The following TSPEAR variants were observed in gnomAD, a reference collection of about 807,000 sequenced individuals.
The protein encoded by TSPEAR is thrombospondin-type laminin G domain and EAR repeat-containing protein.
TSPEAR carries 69 observed loss-of-function variants against 71.6 expected under a neutral mutation model. The ratio of observed to expected loss-of-function variants is 0.96; its 90% confidence interval spans 0.79 to 1.18. The LOEUF is 1.18. TSPEAR is among the 50% of genes most tolerant of loss of function. The pLI is 0.00. For missense variants in TSPEAR, 971 were observed against 894.9 expected, an observed-to-expected ratio of 1.09 and a Z score of -1.09; for synonymous variants, 402 against 387.2, an observed-to-expected ratio of 1.04 and a Z score of -0.45.
In TSPEAR at chr21:44,623,314, A is replaced by T. The variant is rs962944268; in HGVS notation, c.83-55309T>A. Among the ~76,000 whole-genome samples, 4 of 152,160 alleles carry T rather than the reference A, an allele frequency of 2.6e-5. No homozygotes were observed. Among genetic ancestry groups the T allele is most frequent in the African/African-American group, 9.7e-5 (4 of 41,418 alleles). ...GTGGAGATTACAACATGAATCTATGACTTTTTAAAGTCTAATGTAAATTAG... is the reference window on the plus strand; with the variant it reads ...GTGGAGATTACAACATGAATCTATGTCTTTTTAAAGTCTAATGTAAATTAG... On this transcript the variant is annotated intron_variant, in intron 1 of 11. Coordinates refer to ENST00000323084, the MANE Select transcript of TSPEAR (RefSeq NM_144991.3). The surrounding 1 kb of genome is among the most constrained non-coding windows in gnomAD (Gnocchi z 4.5).
At chr21:44,680,395 A>C (rs1209226777) in intron 1 of TSPEAR, among the ~76,000 whole-genome samples, 1 of 152,250 alleles carries the variant, frequency 6.6e-6, no homozygotes, top group Non-Finnish European at 1.5e-5. Context: ...AAAAAATAAC[A>C]GATGCTGGTA....
At chr21:44,677,489 T>C (rs1238677023) in intron 1 of TSPEAR, 70 of 825,570 alleles carry the variant, frequency 8.5e-5, no homozygotes, top group Non-Finnish European at 1.2e-4. Context: ...TAACTTGTTC[T>C]TGTTTTTCCT....
At chr21:44,648,270 C>A (rs1367729482) in intron 1 of TSPEAR, among the ~76,000 whole-genome samples, 2 of 152,162 alleles carry the variant, frequency 1.3e-5, no homozygotes, top group Non-Finnish European at 2.9e-5. Flanking sequence ...TCTCAGTGGA[C>A]CACTAGCACT....
At chr21:44,563,891 C>A (rs1555921440) in intron 2 of TSPEAR, among the ~76,000 whole-genome samples, 2 of 152,182 alleles carry the variant, frequency 1.3e-5, no homozygotes, top group Non-Finnish European at 2.9e-5. Flanking sequence ...TATGCCTTAA[C>A]AAAGCTTCTC....
intron 1 of TSPEAR, chr21:44,647,163 C>T (rs1023024635): frequency 6.2e-7 from 1 of 1,614,220 alleles, no homozygotes; most frequent in Admixed American, 1.7e-5. Flanking sequence ...GACCCTCCTC[C>T]TCTGTGTCCC....
At chr21:44,552,373 C>T (rs182328407) in intron 2 of TSPEAR, among the ~76,000 whole-genome samples, 19 of 152,328 alleles carry the variant, frequency 1.2e-4, no homozygotes, top group Middle Eastern at 3.4e-3. Context: ...CCAGCATGGC[C>T]TGAAGCTGGT....
chr21:44,592,929 A>G (rs1378120065), intron 1 of TSPEAR, among the ~76,000 whole-genome samples: 1 of 152,170 alleles, frequency 6.6e-6, no homozygotes, highest in Non-Finnish European at 1.5e-5. Context: ...TCTGAGGGAC[A>G]ACCTGGGGCC....
At chr21:44,692,540 A>C (rs9980087) in intron 1 of TSPEAR, among the ~76,000 whole-genome samples, 14,040 of 152,226 alleles carry the variant, frequency 0.092, 706 homozygotes, top group South Asian at 0.14. Flanking sequence ...ACATACAAAA[A>C]TCATGCATGT....
chr21:44,698,696 C>A (rs1569266813), intron 1 of TSPEAR, among the ~76,000 whole-genome samples: 1 of 152,228 alleles, frequency 6.6e-6, no homozygotes, highest in Non-Finnish European at 1.5e-5. Flanking sequence ...TCAGTCCTCA[C>A]AGGGAGATTC....
chr21:44,679,674 T>G (rs116738733), intron 1 of TSPEAR, among the ~76,000 whole-genome samples: 8,285 of 152,274 alleles, frequency 0.054, 241 homozygotes, highest in Middle Eastern at 0.14. Context: ...AGCATAGTAT[T>G]GGTATAAAAC....
intron 2 of TSPEAR, among the ~76,000 whole-genome samples, chr21:44,538,010 C>T (rs1555916543): frequency 2.0e-5 from 3 of 152,224 alleles, no homozygotes; most frequent in South Asian, 4.1e-4. Context: ...ACGCAGACCC[C>T]GCCCCCCAGG....
At chr21:44,542,742 TAAA>T (rs11404148) in intron 2 of TSPEAR, among the ~76,000 whole-genome samples, 1 of 120,054 alleles carries the variant, frequency 8.3e-6, no homozygotes, top group African/African-American at 3.2e-5. Context: ...AGAGACCTGT[TAAA>T]AAAAAAAAAA....
intron 7 of TSPEAR, 141 bp from the exon 8 acceptor site, chr21:44,525,980 G>T (rs1430139642): frequency 2.7e-6 from 2 of 751,042 alleles, no homozygotes; most frequent in South Asian, 3.5e-5. Flanking sequence ...CGAGGCCCCC[G>T]CATTACAGGT....
Position 44,555,922 on chromosome 21 carries a change from AT to A in TSPEAR, c.303+11862del, listed in dbSNP as rs2053520556. ...CTCGGACAGGGACTTCCAACTGTGT[AT>A]TGCATTTGCACAGACATGCCATCGA... On this transcript the variant is annotated intron_variant, in intron 2 of 11. Transcript: ENST00000323084. Among the ~76,000 whole-genome samples, 3 of 152,358 alleles carry A rather than the reference AT, an allele frequency of 2.0e-5. No homozygotes were observed. The South Asian group carries it at 6.2e-4, about 32-fold the overall frequency.
chr21:44,646,532 G>C, intron 1 of TSPEAR: 4 of 1,612,712 alleles, frequency 2.5e-6, no homozygotes, highest in Non-Finnish European at 2.5e-6. Context: ...TGCCCAGAGA[G>C]CTGCTGTGAG....
chr21:44,677,924 A>G, intron 1 of TSPEAR: 1 of 1,392,770 alleles, frequency 7.2e-7, no homozygotes, highest in Non-Finnish European at 1.0e-6. Context: ...TACCTCCACC[A>G]AAAAACAAAA....
intron 10 of TSPEAR, 97 bp downstream of exon 10, chr21:44,509,102 C>T: frequency 4.9e-6 from 7 of 1,434,458 alleles, no homozygotes; most frequent in Non-Finnish European, 6.6e-6. Context: ...CCAGTCTTTC[C>T]ACGGGAAGGG....
chr21:44,569,463 G>A (rs1207648607), intron 1 of TSPEAR, among the ~76,000 whole-genome samples: 2 of 152,100 alleles, frequency 1.3e-5, no homozygotes, highest in Admixed American at 1.3e-4. Flanking sequence ...GGCACAGAGT[G>A]GGAAGATGTG....
Position 44,568,008 on chromosome 21 carries a change from G to C in TSPEAR, c.83-3C>G. ...CAGGATGTCCAGGGGGCGCAGGTCT[G>C]TGGCAAAGAAATCACAGGTGGGTTA... On this transcript the variant is annotated splice_region_variant and splice_polypyrimidine_tract_variant and intron_variant, in intron 1 of 11. Transcript: ENST00000323084. The C allele has an allele frequency of 3.3e-6, 5 of 1,509,488 alleles. No homozygotes were observed. The highest frequency in any genetic ancestry group is 4.4e-6 in the Non-Finnish European group (5 of 1,124,310). The allele number at this position is 1,509,488 out of a possible 1,614,324, so 93.5% of individuals were successfully genotyped here. A position where few individuals can be genotyped will look rare whatever the true frequency, so the allele number is the denominator to read the frequency against.
Sources: gnomAD v4.1 joint callset for allele counts (sites outside exome capture counted in the v4.1 genomes callset) on GRCh38, gnomAD v4.1.1 for gene constraint, Gnocchi (gnomAD v3.1) non-coding constraint, MANE v1.5 for transcripts, NCBI Gene and HGNC (gene_info 2026-07-23, HGNC 2026-07-21) for gene names.